The following COL22A1 variants were observed in gnomAD, a reference collection of about 807,000 sequenced individuals.
COL22A1 encodes collagen type XXII alpha 1 chain.
In COL22A1, 221 loss-of-function variants were observed where a neutral mutation model predicts 248.9. The ratio of observed to expected loss-of-function variants is 0.89; its 90% CI spans 0.80 to 0.99. COL22A1 has a LOEUF of 0.99. Ranked by LOEUF, COL22A1 falls within the 50% of genes least tolerant of loss-of-function variation. The pLI is 0.00. For synonymous variants in COL22A1, 891 were observed against 793.4 expected (o/e 1.12, Z -2.07); for missense variants, 2,240 against 2,179.0 (o/e 1.03, Z -0.56).
intron 23 of COL22A1, among the ~76,000 whole-genome samples, chr8:138,732,529 G>A (rs775551565): frequency 8.5e-5 from 13 of 152,208 alleles, no homozygotes; most frequent in Non-Finnish European, 1.6e-4. Context: ...GTGAATTAAA[G>A]AAGTGTGAAC....
At chr8:138,758,529 G>C (rs2131377420) in intron 18 of COL22A1, among the ~76,000 whole-genome samples, 1 of 152,314 alleles carries the variant, frequency 6.6e-6, no homozygotes. Flanking sequence ...AATATGATAG[G>C]CCTTGGTCAA....
intron 31 of COL22A1, among the ~76,000 whole-genome samples, chr8:138,700,391 C>T (rs113342526): frequency 4.2e-4 from 64 of 152,340 alleles, no homozygotes; most frequent in African/African-American, 1.5e-3. Flanking sequence ...GCTCCAAACC[C>T]TGTGTGACCT....
chr8:138,796,880 A>C, intron 11 of COL22A1, 23 bp from the exon 12 acceptor site: 1 of 1,521,914 alleles, frequency 6.6e-7, no homozygotes, highest in Non-Finnish European at 9.1e-7. Flanking sequence ...AAGAAGGCAA[A>C]GATTCACTAC....
intron 36 of COL22A1, among the ~76,000 whole-genome samples, chr8:138,689,575 C>T (rs1435908549): frequency 2.6e-5 from 4 of 152,182 alleles, no homozygotes; most frequent in Admixed American, 6.5e-5. Flanking sequence ...ATTAGCTGGG[C>T]ATGGAGGCAC....
chr8:138,685,241 A>G lies in COL22A1; in HGVS notation c.2934T>C (p.Pro978=). 6.2e-7 allele frequency: 1 copy of G among 1,613,598 alleles called. No individual in the cohort carries two copies. The highest frequency in any genetic ancestry group is 1.3e-5 in the African/African-American group (1 of 74,966). ...CATCCTTCCCTTTTCCGGGTGGCCC[A>G]GGGAGCCCAGGAGCACCAGGATCTC... The part of the protein sequence containing the change: ...PRGDPGAPGL[P]GPPGKGKDGE... Residue 978 remains proline (P), a synonymous_variant, in exon 38 of 65, where the codon CCT becomes CCC. Transcript: ENST00000303045.
chr8:138,619,840 C>T (rs372864058), intron 52 of COL22A1, among the ~76,000 whole-genome samples: 21 of 152,276 alleles, frequency 1.4e-4, no homozygotes, highest in African/African-American at 5.1e-4. Context: ...ACTTTATGCC[C>T]ACTTGCAAAA....
chr8:138,705,179 G>A (rs1432389858), intron 30 of COL22A1, among the ~76,000 whole-genome samples: 5 of 152,182 alleles, frequency 3.3e-5, no homozygotes, highest in Non-Finnish European at 5.9e-5. Context: ...AAGTGACGGG[G>A]AGAATGGAAC....
At position 138,690,706 on chromosome 8, in the gene COL22A1, T is replaced by C. The variant is rs569452663; in HGVS notation, c.2808+115A>G. The stretch of plus-strand genomic sequence containing the variant: ...GACAGCAGTGTCTCCGTCTGGAAAA[T>C]GGGAGTAAGGATCCTCCCCTTACTC... On this transcript the variant is annotated intron_variant, in intron 36 of 64. Coordinates refer to ENST00000303045, the MANE Select transcript of COL22A1 (RefSeq NM_152888.3). 589 of 760,728 alleles carry C rather than the reference T, an allele frequency of 7.7e-4. 7 individuals carry two copies. The highest frequency in any genetic ancestry group is 1.6e-3 in the Admixed American group (47 of 29,658). The allele number at this position is 760,728 out of a possible 1,614,324, so 47.1% of individuals were successfully genotyped here.
rs13272198 is a variant in COL22A1, at chr8:138,663,520, T to C, written c.3186+185A>G. Among the ~76,000 whole-genome samples the C allele has an allele frequency of 0.51, 77,724 of 152,074 alleles. 23,770 individuals carry two copies. The highest frequency in any genetic ancestry group is 0.68 in the Non-Finnish European group (46,050 of 67,968). ...GGGTGTGGCATCCCTTCTCTGCTCATATGTACATCTATCACACTGTATTCC... is the reference window on the plus strand; with the variant it reads ...GGGTGTGGCATCCCTTCTCTGCTCACATGTACATCTATCACACTGTATTCC... On this transcript the variant is annotated intron_variant, in intron 42 of 64. Transcript: ENST00000303045.
intron 1 of COL22A1, among the ~76,000 whole-genome samples, chr8:138,906,582 T>C (rs1815039042): frequency 0.018 from 1 of 56 alleles, no homozygotes; most frequent in African/African-American, 0.056. Flanking sequence ...AGCTCTTTCT[T>C]GTATTTTTAA....
At chr8:138,737,176 CA>C (rs1221900407) in intron 23 of COL22A1, among the ~76,000 whole-genome samples, 1 of 152,186 alleles carries the variant, frequency 6.6e-6, no homozygotes, top group African/African-American at 2.4e-5. Flanking sequence ...CCTTGTCTGC[CA>C]AGGCGAGACA....
At chr8:138,674,024 C>T (rs1172113447) in intron 41 of COL22A1, among the ~76,000 whole-genome samples, 1 of 152,148 alleles carries the variant, frequency 6.6e-6, no homozygotes, top group African/African-American at 2.4e-5. Flanking sequence ...CCCACGGTGG[C>T]CTTCTGCTCA....
intron 15 of COL22A1, chr8:138,778,047 C>CT (rs1814633574): frequency 4.4e-6 from 2 of 459,014 alleles, no homozygotes; most frequent in Non-Finnish European, 8.0e-6. Context: ...AAAATGAATT[C>CT]TTTAGATCAA....
At chr8:138,803,614 G>A (rs2131634470) in intron 10 of COL22A1, among the ~76,000 whole-genome samples, 1 of 152,318 alleles carries the variant, frequency 6.6e-6, no homozygotes, top group South Asian at 2.1e-4. Context: ...CCATCCCTGT[G>A]TACCTGGGGC....
At chr8:138,664,952 G>A (rs531534583) in intron 41 of COL22A1, among the ~76,000 whole-genome samples, 6 of 152,150 alleles carry the variant, frequency 3.9e-5, no homozygotes, top group African/African-American at 9.6e-5. Context: ...AGTCCAGTGC[G>A]CTCTGCATCT....
At chr8:138,619,675 C>A (rs1429162019) in intron 52 of COL22A1, among the ~76,000 whole-genome samples, 167 bp from the exon 53 acceptor site, 1 of 152,166 alleles carries the variant, frequency 6.6e-6, no homozygotes, top group Admixed American at 6.5e-5. Flanking sequence ...CAAATCTCCA[C>A]CATGTATTCA....
rs1765093393 is a variant in COL22A1, at chr8:138,588,807, C to A, written c.*446G>T. Reference sequence around the variant, plus strand: ...TGACTGAGAATGAAGCCCATTGGCTCATTTTCTTAAAGTTTTTCTTTTGAA... The same window carrying A: ...TGACTGAGAATGAAGCCCATTGGCTAATTTTCTTAAAGTTTTTCTTTTGAA... On this transcript the variant is annotated 3_prime_UTR_variant, in exon 65 of 65. Transcript: ENST00000303045. The A allele has an allele frequency of 6.5e-6, 1 of 153,634 alleles. No homozygotes were observed. The highest frequency in any genetic ancestry group is 2.4e-5 in the African/African-American group (1 of 41,462). The allele number at this position is 153,634 out of a possible 1,614,324, so 9.5% of individuals were successfully genotyped here.
rs73366853 is a variant in COL22A1, at chr8:138,826,592, G to A, written c.969+66C>T. The A allele has an allele frequency of 2.2e-4, 333 of 1,542,394 alleles. No homozygotes were observed. The African/African-American group carries it at 4.0e-3, about 19-fold the overall frequency. On this transcript the variant is annotated intron_variant, in intron 6 of 64. Coordinates refer to ENST00000303045, the MANE Select transcript of COL22A1 (RefSeq NM_152888.3). ...CCCTGGAGAAAACATGGTGGGTGGT[G>A]CCATCCACTGTGAGAGGGGAACAGA...
chr8:138,856,602 G>C (rs1822036833), intron 3 of COL22A1, among the ~76,000 whole-genome samples: 1 of 151,462 alleles, frequency 6.6e-6, no homozygotes, highest in Admixed American at 6.6e-5. Context: ...GAGAGAGAGA[G>C]AGAGAGAGAG....
Sources: allele counts gnomAD v4.1 joint callset (sites outside exome capture counted in the v4.1 genomes callset), GRCh38; gene constraint gnomAD v4.1.1; transcripts MANE v1.5; gene names NCBI Gene and HGNC (gene_info 2026-07-23, HGNC 2026-07-21).